Variants in ZMAT4 observed in about 807,000 individuals in gnomAD.
ZMAT4 encodes zinc finger matrin-type protein 4.
ZMAT4 carries 17 observed loss-of-function variants against 28.7 expected under a neutral mutation model. That is an observed-to-expected ratio of 0.59 (90% CI 0.41 to 0.89). The LOEUF is 0.89. Ranked by LOEUF, ZMAT4 falls within the 40% of genes least tolerant of loss-of-function variation. The pLI, the probability that ZMAT4 is intolerant of heterozygous loss-of-function variation, is 0.00. For missense variants in ZMAT4, 240 were observed against 283.8 expected (o/e 0.85, Z 1.11); for synonymous variants, 117 against 109.2 (o/e 1.07, Z -0.44).
At chr8:40,896,474 C>T (rs937895817) in intron 1 of ZMAT4, among the ~76,000 whole-genome samples, 8 of 152,334 alleles carry the variant, frequency 5.3e-5, no homozygotes, top group African/African-American at 1.9e-4. Context: ...TGGTGAAGTG[C>T]GGTGGGCACA....
intron 1 of ZMAT4, among the ~76,000 whole-genome samples, chr8:40,870,486 T>G (rs1261134285): frequency 6.6e-6 from 1 of 152,214 alleles, no homozygotes; most frequent in African/African-American, 2.4e-5. Context: ...TTCCCTCCCC[T>G]ATACACACAG....
chr8:40,594,331 T>C (rs1453117582), intron 5 of ZMAT4, among the ~76,000 whole-genome samples: 1 of 152,212 alleles, frequency 6.6e-6, no homozygotes, highest in African/African-American at 2.4e-5. Flanking sequence ...AGAGAAAGTG[T>C]TGATATGTAG....
At chr8:40,777,245 A>T (rs1813636863) in intron 2 of ZMAT4, among the ~76,000 whole-genome samples, 1 of 152,202 alleles carries the variant, frequency 6.6e-6, no homozygotes. Flanking sequence ...AAAAATAAAC[A>T]AATTTTTAAA....
At chr8:40,565,509 T>C (rs1429950) in intron 6 of ZMAT4, among the ~76,000 whole-genome samples, 13,636 of 150,678 alleles carry the variant, frequency 0.09, 1,198 homozygotes, top group East Asian at 0.51. Context: ...CATGAGTAAC[T>C]GGGGTTACAG....
At chr8:40,576,186 A>T (rs1050070932) in intron 6 of ZMAT4, among the ~76,000 whole-genome samples, 3 of 152,144 alleles carry the variant, frequency 2.0e-5, no homozygotes, top group African/African-American at 7.2e-5. Context: ...CCATAACACA[A>T]ATATTTGTGC....
At chr8:40,587,775 T>C (rs1221273495) in intron 5 of ZMAT4, among the ~76,000 whole-genome samples, 2 of 151,998 alleles carry the variant, frequency 1.3e-5, no homozygotes, top group Admixed American at 1.3e-4. Flanking sequence ...CATATTAATA[T>C]TTACATTACA....
intron 5 of ZMAT4, among the ~76,000 whole-genome samples, chr8:40,613,436 G>A (rs376563870): frequency 4.6e-5 from 7 of 151,654 alleles, no homozygotes; most frequent in African/African-American, 1.7e-4. Context: ...TGCCCATCTC[G>A]GCCTCCTAAA....
Position 40,590,252 on chromosome 8 carries a change from A to C in ZMAT4, c.578-8991T>G, listed in dbSNP as rs570925207. Reference sequence around the variant, plus strand: ...TTTCTATGTTGTCCAGGCAGTTCTCAAACTCCTGGGCTCAAGCAATCCTTC... The same window carrying C: ...TTTCTATGTTGTCCAGGCAGTTCTCCAACTCCTGGGCTCAAGCAATCCTTC... On this transcript the variant is annotated intron_variant, in intron 5 of 6. Coordinates refer to ENST00000297737, the MANE Select transcript of ZMAT4 (RefSeq NM_024645.3). Among the ~76,000 whole-genome samples the C allele has an allele frequency of 1.1e-4, 16 of 151,402 alleles. 2 individuals carry two copies. The South Asian group carries it at 3.3e-3, about 32-fold the overall frequency.
At chr8:40,713,946 GAAAA>G (rs1349275959) in intron 3 of ZMAT4, among the ~76,000 whole-genome samples, 2 of 129,368 alleles carry the variant, frequency 1.5e-5, no homozygotes, top group African/African-American at 5.7e-5. Flanking sequence ...AAAAGAAAAA[GAAAA>G]AGAAAAAAAG....
At chr8:40,804,232 C>T (rs1002863307) in intron 2 of ZMAT4, among the ~76,000 whole-genome samples, 5 of 152,144 alleles carry the variant, frequency 3.3e-5, no homozygotes, top group Non-Finnish European at 7.4e-5. Context: ...AAACTATGGA[C>T]TCTGAGTGAT....
chr8:40,599,765 G>T (rs1458501447), intron 5 of ZMAT4, among the ~76,000 whole-genome samples: 2 of 152,240 alleles, frequency 1.3e-5, no homozygotes, highest in African/African-American at 2.4e-5. Context: ...ACACGAGGGA[G>T]GGGTCTGCCT....
intron 2 of ZMAT4, among the ~76,000 whole-genome samples, chr8:40,793,107 T>C (rs1037327176): frequency 1.3e-5 from 2 of 152,134 alleles, no homozygotes; most frequent in African/African-American, 4.8e-5. Flanking sequence ...TGGGTGATAA[T>C]GATGTGTCCA....
At chr8:40,644,748 C>T (rs1391661506) in intron 5 of ZMAT4, among the ~76,000 whole-genome samples, 3 of 152,070 alleles carry the variant, frequency 2.0e-5, no homozygotes, top group Non-Finnish European at 4.4e-5. Flanking sequence ...CCAAGATGAT[C>T]AACAGCCAGG....
intron 2 of ZMAT4, among the ~76,000 whole-genome samples, chr8:40,781,206 C>T (rs1813810420): frequency 6.6e-6 from 1 of 152,026 alleles, no homozygotes; most frequent in South Asian, 2.1e-4. Flanking sequence ...ATACAAAAAC[C>T]AATTGCATTT....
intron 6 of ZMAT4, among the ~76,000 whole-genome samples, chr8:40,534,173 G>A (rs559187339): frequency 6.6e-6 from 1 of 152,146 alleles, no homozygotes; most frequent in East Asian, 1.9e-4. Flanking sequence ...TATAGTCATT[G>A]TAATTATTCA....
Position 40,770,096 on chromosome 8 carries a change from G to A in ZMAT4, c.103-2366C>T, listed in dbSNP as rs575324585. On this transcript the variant is annotated intron_variant, in intron 2 of 6. Transcript: ENST00000297737. ...GGCAGTGCCCTTGCCTAGGGTTTCC[G>A]GTGAGGAAAATCAGAGCTTTGGCAA... Among the ~76,000 whole-genome samples the A allele has an allele frequency of 1.5e-3, 223 of 152,180 alleles. 1 individual carries two copies. Among genetic ancestry groups the A allele is most frequent in the Non-Finnish European group, 2.1e-3 (143 of 68,004 alleles).
intron 5 of ZMAT4, among the ~76,000 whole-genome samples, chr8:40,584,429 A>T (rs2118555949): frequency 6.6e-6 from 1 of 152,310 alleles, no homozygotes; most frequent in Non-Finnish European, 1.5e-5. Context: ...CTTTTAATAA[A>T]TTTTGGAAAT....
At chr8:40,552,155 C>G (rs1803387341) in intron 6 of ZMAT4, among the ~76,000 whole-genome samples, 1 of 152,174 alleles carries the variant, frequency 6.6e-6, no homozygotes, top group African/African-American at 2.4e-5. Flanking sequence ...GCCCTCTCTT[C>G]TCTTGCTGGA....
At chr8:40,651,351 C>T (rs1807638842) in intron 5 of ZMAT4, among the ~76,000 whole-genome samples, 1 of 152,070 alleles carries the variant, frequency 6.6e-6, no homozygotes, top group East Asian at 1.9e-4. Context: ...AATAAAATAC[C>T]TAGGAATGCA....
Sources: allele counts gnomAD v4.1 joint callset (sites outside exome capture counted in the v4.1 genomes callset), GRCh38; gene constraint gnomAD v4.1.1; transcripts MANE v1.5; gene names NCBI Gene and HGNC (gene_info 2026-07-23, HGNC 2026-07-21).